Variants in KNL1 observed in about 807,000 individuals in gnomAD.
The protein encoded by KNL1 is outer kinetochore KNL1 complex subunit KNL1.
A neutral mutation model predicts 201.3 loss-of-function variants in KNL1; 66 were observed. The ratio of observed to expected loss-of-function variants is 0.33; its 90% confidence interval spans 0.27 to 0.40. The LOEUF is 0.40. KNL1 is among the 10% of genes least tolerant of loss of function. The probability of loss-of-function intolerance (pLI) is 1.00; values close to 1 mark genes in which losing one functional copy is unlikely to be tolerated. For missense variants in KNL1, 2,815 were observed against 2,690.5 expected (o/e 1.05, Z -1.02); for synonymous variants, 895 against 899.2 (o/e 1.00, Z 0.08).
At position 40,623,518 on chromosome 15, in the gene KNL1, A is replaced by G. The variant is rs1595926573; in HGVS notation, c.3254A>G (p.Asp1085Gly). 6.2e-7 allele frequency: 1 copy of G among 1,613,326 alleles called. No homozygotes were observed. Among genetic ancestry groups the G allele is most frequent in the Non-Finnish European group, 8.5e-7 (1 of 1,179,778 alleles). The stretch of plus-strand genomic sequence containing the variant: ...GTATTTTCAGAGAATCATAAAAATG[A>G]TATGGATATTACCCAGAGTTGTATG... ...TIVFSENHKN[D>G]MDITQSCMVE... The change falls in exon 10 of 26, where the codon GAT (aspartate) becomes GGT (glycine). Residue 1085 changes from aspartate to glycine, a missense_variant. Coordinates refer to ENST00000399668, the MANE Select transcript of KNL1 (RefSeq NM_144508.5).
At chr15:40,625,882 A>G (rs1296522063) in intron 10 of KNL1, 1 of 428,628 alleles carries the variant, frequency 2.3e-6, no homozygotes, top group Non-Finnish European at 4.2e-6. Context: ...AAAATTGTAC[A>G]AAAAGTAGCC....
intron 1 of KNL1, among the ~76,000 whole-genome samples, chr15:40,601,921 G>A (rs573770000): frequency 2.6e-4 from 32 of 121,678 alleles, no homozygotes; most frequent in Non-Finnish European, 3.4e-4. Context: ...AGGCTGGAGT[G>A]CAGTGGTGCA....
intron 12 of KNL1, 34 bp from the exon 13 acceptor site, chr15:40,629,239 G>A: frequency 2.4e-6 from 3 of 1,252,614 alleles, no homozygotes; most frequent in Non-Finnish European, 3.4e-6. Context: ...AAATCACATT[G>A]AATGGTCATG....
In KNL1 at chr15:40,662,188, GA is replaced by G. The variant is rs756043727; in HGVS notation, c.*1del. 6.0e-6 allele frequency: 9 copies of G among 1,506,692 alleles called. No homozygotes were observed. Among genetic ancestry groups the G allele is most frequent in the Non-Finnish European group, 8.3e-6 (9 of 1,082,894 alleles). 93.3% of individuals were successfully genotyped at this position (1,506,692 alleles called of 1,614,324 possible). On this transcript the variant is annotated 3_prime_UTR_variant, in exon 26 of 26. Coordinates refer to ENST00000399668, the MANE Select transcript of KNL1 (RefSeq NM_144508.5). Reference sequence around the variant, plus strand: ...TTCAGGACTGCCATTTCTACCACTAGACCCTTGGACCACCATTGGAACAACC... The same window carrying G: ...TTCAGGACTGCCATTTCTACCACTAGCCCTTGGACCACCATTGGAACAACC...
At chr15:40,609,711 G>A (rs1892093906) in intron 5 of KNL1, among the ~76,000 whole-genome samples, 2 of 152,192 alleles carry the variant, frequency 1.3e-5, no homozygotes, top group Non-Finnish European at 2.9e-5. Context: ...CAGGTATATA[G>A]TGAGTGTTTA....
chr15:40,607,390 A>C (rs530140963), intron 4 of KNL1, among the ~76,000 whole-genome samples: 1 of 152,302 alleles, frequency 6.6e-6, no homozygotes, highest in Non-Finnish European at 1.5e-5. Flanking sequence ...TTGTCATATT[A>C]AGCTCAAGGC....
At chr15:40,636,660 C>G (rs1479690299) in intron 13 of KNL1, among the ~76,000 whole-genome samples, 1 of 151,986 alleles carries the variant, frequency 6.6e-6, no homozygotes, top group East Asian at 1.9e-4. Flanking sequence ...GAAACCCCCC[C>G]TCTACCAAAA....
chr15:40,618,860 A>G (rs1595922477), intron 8 of KNL1, 99 bp from the exon 9 acceptor site: 1 of 726,764 alleles, frequency 1.4e-6, no homozygotes, highest in East Asian at 2.5e-5. Flanking sequence ...TTACTGGTAA[A>G]TTCTAGTAAA....
At chr15:40,598,993 C>A (rs1479468355) in intron 1 of KNL1, among the ~76,000 whole-genome samples, 1 of 151,764 alleles carries the variant, frequency 6.6e-6, no homozygotes, top group Non-Finnish European at 1.5e-5. Context: ...TTAGTAGAGA[C>A]AAGATCTCAC....
At chr15:40,651,705 A>G (rs1893569781) in intron 20 of KNL1, 133 bp downstream of exon 20, 2 of 616,234 alleles carry the variant, frequency 3.2e-6, no homozygotes, top group South Asian at 4.4e-5. Flanking sequence ...AAAAAGAGTC[A>G]GTGTACTCAA....
At chr15:40,600,336 A>C (rs1365784883) in intron 1 of KNL1, among the ~76,000 whole-genome samples, 1 of 152,140 alleles carries the variant, frequency 6.6e-6, no homozygotes, top group African/African-American at 2.4e-5. Context: ...TGGCCTCCCA[A>C]AGTGTTGGGA....
rs764966212 is a variant in KNL1, at chr15:40,628,098, T to C, written c.5405T>C (p.Ile1802Thr). The change falls in exon 11 of 26, where the codon ATA (isoleucine) becomes ACA (threonine). Residue 1802 changes from isoleucine (I) to threonine (T), a missense_variant. Ile to Thr is a moderately conservative substitution (Grantham distance 89, BLOSUM62 -1). Around this residue, in one of 3 missense-constraint regions of KNL1, gnomAD observed 2,464 missense variants for 2,291.7 expected, o/e 1.08. Transcript: ENST00000399668. ...TTTGATCACCATACTGAAGAGGATA[T>C]AGATAAAAGTGCTAACAGTGTATTG... ...EIFDHHTEED[I>T]DKSANSVLIK... 1 of 1,607,658 alleles carries C rather than the reference T, an allele frequency of 6.2e-7. No individual in the cohort carries two copies. Among genetic ancestry groups the C allele is most frequent in the South Asian group, 1.1e-5 (1 of 89,594 alleles).
chr15:40,645,041 T>C lies in KNL1; in HGVS notation c.5843T>C (p.Ile1948Thr). The C allele has an allele frequency of 1.2e-6, 2 of 1,612,518 alleles. No homozygotes were observed. Among genetic ancestry groups the C allele is most frequent in the East Asian group, 2.2e-5 (1 of 44,768 alleles). Residue 1948 changes from isoleucine (I) to threonine (T), a missense_variant, in exon 15 of 26, where the codon ATA (isoleucine) becomes ACA (threonine). By Grantham distance (89) the Ile-to-Thr change is moderately conservative. This residue lies in a region of KNL1 where 2,464 missense variants were observed against 2,291.7 expected (regional missense o/e 1.08). Transcript: ENST00000399668. ...ASNQDKLLVDINKNLWEKMRH... is the reference protein window; with the variant it reads ...ASNQDKLLVDTNKNLWEKMRH... The stretch of plus-strand genomic sequence containing the variant: ...AACCAAGATAAGCTGTTGGTTGATA[T>C]AAATAAGAACCTGTGGGAAAAAATG...
Position 40,650,179 on chromosome 15 carries a change from C to G in KNL1, c.6095-122C>G, listed in dbSNP as rs1893511219. ...ACTAGAACTTCTGAACTTCCTACTA[C>G]CAAAGAAACAATCTGTCGTTTAATA... On this transcript the variant is annotated intron_variant, in intron 17 of 25. Coordinates refer to ENST00000399668, the MANE Select transcript of KNL1 (RefSeq NM_144508.5). The G allele has an allele frequency of 9.1e-6, 6 of 656,322 alleles. No individual in the cohort carries two copies. In the South Asian group the frequency reaches 1.1e-4, roughly 12 times the overall value. 40.7% of individuals were successfully genotyped at this position (656,322 alleles called of 1,614,324 possible).
rs760427612 is a variant in KNL1, at chr15:40,602,984, A to G, written c.35+18A>G. On this transcript the variant is annotated intron_variant, in intron 2 of 25. Coordinates refer to ENST00000399668, the MANE Select transcript of KNL1 (RefSeq NM_144508.5). ...GAAGAAAAGTAAGTTCATTTAATGC[A>G]GCTAAAAATATTATATTCTATCAGA... 9.2e-6 allele frequency: 14 copies of G among 1,522,926 alleles called. No homozygotes were observed. The African/African-American group carries it at 1.8e-4, about 19-fold the overall frequency. 94.3% of individuals were successfully genotyped at this position (1,522,926 alleles called of 1,614,324 possible). A position where few individuals can be genotyped will look rare whatever the true frequency, so the allele number is the denominator to read the frequency against.
At chr15:40,598,802 A>AT (rs1177132764) in intron 1 of KNL1, among the ~76,000 whole-genome samples, 1 of 151,934 alleles carries the variant, frequency 6.6e-6, no homozygotes, top group Non-Finnish European at 1.5e-5. Flanking sequence ...TTAAAAAGAA[A>AT]TTTTTTTAAA....
chr15:40,660,065 C>A (rs1369251556), intron 25 of KNL1, among the ~76,000 whole-genome samples: 4 of 151,894 alleles, frequency 2.6e-5, no homozygotes, highest in Non-Finnish European at 5.9e-5. Context: ...GCAAGCGCCA[C>A]CACACCTAGC....
At chr15:40,651,931 T>C in intron 20 of KNL1, 74 bp from the exon 21 acceptor site, 2 of 921,314 alleles carry the variant, frequency 2.2e-6, no homozygotes, top group African/African-American at 1.6e-5. Flanking sequence ...TGGTACTGTT[T>C]GGGTGGTATC....
intron 8 of KNL1, among the ~76,000 whole-genome samples, chr15:40,617,975 TAAAAAAAAAAAAAAAAAAA>T (rs71104706): frequency 1.9e-4 from 9 of 47,232 alleles, no homozygotes; most frequent in East Asian, 8.2e-4. Flanking sequence ...AGGCTTTTAG[TAAAAAAAAAAAAAAAAAAA>T]AAAAAAAAAA....
Sources: gnomAD v4.1 joint callset for allele counts (sites outside exome capture counted in the v4.1 genomes callset) on GRCh38, gnomAD v4.1.1 for gene constraint, gnomAD v4.1.1 regional missense constraint, MANE v1.5 for transcripts, NCBI Gene and HGNC (gene_info 2026-07-23, HGNC 2026-07-21) for gene names.